MORN1: variants seen among roughly 807,000 people sequenced by gnomAD.
MORN1 encodes the protein MORN repeat-containing protein 1.
MORN1 carries 67 observed loss-of-function variants against 61.9 expected under a neutral mutation model. That is an observed-to-expected ratio of 1.08 (90% confidence interval 0.89 to 1.33). The LOEUF (loss-of-function observed/expected upper bound fraction) is 1.33, where lower values mean the gene tolerates loss of function less well. Among genes scored for constraint, MORN1 ranks in the 40% most tolerant of loss-of-function variants. The pLI is 0.00. For synonymous variants in MORN1, 301 were observed against 292.0 expected (o/e 1.03, Z -0.31); for missense variants, 752 against 691.2 (o/e 1.09, Z -0.99).
At chr1:2,380,024 G>C (rs1370751281) in intron 6 of MORN1, among the ~76,000 whole-genome samples, 1 of 152,172 alleles carries the variant, frequency 6.6e-6, no homozygotes, top group Non-Finnish European at 1.5e-5. Context: ...GTCCACACGG[G>C]GTGGTGGTGG....
chr1:2,370,019 G>A (rs1053505701), intron 8 of MORN1, among the ~76,000 whole-genome samples: 1 of 152,168 alleles, frequency 6.6e-6, no homozygotes, highest in African/African-American at 2.4e-5. Flanking sequence ...AAATGTAAAG[G>A]TCCCAGCAGA....
At chr1:2,380,920 C>T (rs570290702) in intron 6 of MORN1, among the ~76,000 whole-genome samples, 6 of 152,290 alleles carry the variant, frequency 3.9e-5, no homozygotes, top group African/African-American at 1.4e-4. Flanking sequence ...CGGCTGTCCC[C>T]TCACTCTGGA....
intron 10 of MORN1, among the ~76,000 whole-genome samples, chr1:2,342,065 C>T (rs1051950451): frequency 1.3e-4 from 20 of 152,268 alleles, no homozygotes; most frequent in African/African-American, 4.8e-4. Context: ...GAGTGCCTTC[C>T]AAGCCTTTAT....
intron 3 of MORN1, 73 bp downstream of exon 3, chr1:2,388,166 T>G (rs1263965141): frequency 5.8e-6 from 7 of 1,205,432 alleles, no homozygotes; most frequent in Non-Finnish European, 8.5e-6. Flanking sequence ...CTTCTGCATC[T>G]AGACTCGGCG....
chr1:2,364,529 T>C (rs1641961703), intron 8 of MORN1, among the ~76,000 whole-genome samples: 1 of 148,712 alleles, frequency 6.7e-6, no homozygotes, highest in Admixed American at 6.8e-5. Flanking sequence ...ACTCTGATGG[T>C]AGTCTCTTTT....
intron 8 of MORN1, among the ~76,000 whole-genome samples, chr1:2,362,863 C>CAAAAAAA (rs139162854): frequency 1.4e-5 from 2 of 145,850 alleles, no homozygotes; most frequent in African/African-American, 2.5e-5. Context: ...AACTCCATCT[C>CAAAAAAA]AAAAAAAAAA....
chr1:2,345,883 C>T (rs1641505059), intron 10 of MORN1, among the ~76,000 whole-genome samples: 1 of 152,168 alleles, frequency 6.6e-6, no homozygotes, highest in African/African-American at 2.4e-5. Context: ...CTATGACGCA[C>T]ACCCCGAGCT....
chr1:2,382,633 C>T (rs1476808740), intron 6 of MORN1, among the ~76,000 whole-genome samples: 1 of 152,214 alleles, frequency 6.6e-6, no homozygotes, highest in Admixed American at 6.5e-5. Context: ...CACTGCCACT[C>T]TGGACAGTGA....
intron 10 of MORN1, chr1:2,350,907 G>C (rs1641630228): frequency 2.0e-5 from 3 of 152,434 alleles, no homozygotes; most frequent in Admixed American, 1.3e-4. Flanking sequence ...TCTGACTCAT[G>C]TCCGTGCTCT....
intron 6 of MORN1, chr1:2,378,565 G>A (rs373492024): frequency 7.4e-5 from 18 of 243,562 alleles, no homozygotes; most frequent in Non-Finnish European, 4.1e-5. Flanking sequence ...GCAGGTGCTC[G>A]GCACCCAGCG....
intron 10 of MORN1, among the ~76,000 whole-genome samples, chr1:2,342,396 T>C (rs1050245507): frequency 3.9e-5 from 6 of 152,232 alleles, no homozygotes; most frequent in African/African-American, 1.4e-4. Flanking sequence ...AAACGTTGAC[T>C]TCGTTTAAGT....
At chr1:2,364,523 T>C (rs1641961616) in intron 8 of MORN1, among the ~76,000 whole-genome samples, 1 of 148,088 alleles carries the variant, frequency 6.8e-6, no homozygotes, top group Non-Finnish European at 1.5e-5. Context: ...CTGTTCACTC[T>C]GATGGTAGTC....
intron 10 of MORN1, among the ~76,000 whole-genome samples, chr1:2,353,298 T>G (rs1208153561): frequency 6.6e-6 from 1 of 152,260 alleles, no homozygotes; most frequent in Admixed American, 6.5e-5. Context: ...CGCCACCCTT[T>G]TGTTTTCTTT....
intron 13 of MORN1, chr1:2,323,188 G>A (rs1320734923): frequency 1.0e-6 from 1 of 985,282 alleles, no homozygotes; most frequent in African/African-American, 1.7e-5. Flanking sequence ...GGGACCACGG[G>A]GGACACCGCG....
chr1:2,326,129 G>T (rs1641021542), intron 12 of MORN1: 1 of 152,186 alleles, frequency 6.6e-6, no homozygotes, highest in Admixed American at 6.5e-5. Context: ...AGAGCCAAGG[G>T]CTCCTTGACT....
rs1219779836 is a variant in MORN1 at position 2,389,967 on chromosome 1, AG to A, written c.105del (p.Phe36SerfsTer183). 6.2e-7 allele frequency: 1 copy of A among 1,614,130 alleles called. No homozygotes were observed. The highest frequency in any genetic ancestry group is 1.7e-5 in the Admixed American group (1 of 60,024). On this transcript the variant is annotated frameshift_variant, in exon 2 of 14. Transcript: ENST00000378531. LOFTEE classifies it high-confidence loss of function. ...TTCCATTCTCCTTCATATCGAAAGAAGGAATTTGGGTATACGTAGACACCAT... is the reference window on the plus strand; with the variant it reads ...TTCCATTCTCCTTCATATCGAAAGAAGAATTTGGGTATACGTAGACACCAT... ...NGYGVYVYPN[S>X]FFRYEGEWKA...
chr1:2,369,942 A>G (rs1269067623), intron 8 of MORN1, among the ~76,000 whole-genome samples: 1 of 152,222 alleles, frequency 6.6e-6, no homozygotes, highest in Non-Finnish European at 1.5e-5. Flanking sequence ...ACCTCCATCA[A>G]CATTCCAGCA....
intron 8 of MORN1, among the ~76,000 whole-genome samples, chr1:2,369,424 C>T (rs910726227): frequency 6.6e-6 from 1 of 151,236 alleles, no homozygotes; most frequent in East Asian, 1.9e-4. Flanking sequence ...CCATTGGAAC[C>T]CTCTTTCATT....
chr1:2,355,758 C>G (rs925935841), intron 10 of MORN1, among the ~76,000 whole-genome samples: 2 of 152,216 alleles, frequency 1.3e-5, no homozygotes, highest in Admixed American at 6.5e-5. Flanking sequence ...AGAAAGGGCC[C>G]TGGCACAGCC....
Sources: allele counts gnomAD v4.1 joint callset (sites outside exome capture counted in the v4.1 genomes callset), GRCh38; gene constraint gnomAD v4.1.1; transcripts MANE v1.5; gene names NCBI Gene and HGNC (gene_info 2026-07-23, HGNC 2026-07-21).